The following TMEM120B variants were observed in gnomAD, a reference collection of about 807,000 sequenced individuals.
The protein encoded by TMEM120B is transmembrane protein 120B.
TMEM120B carries 31 observed loss-of-function variants against 55.5 expected under a neutral mutation model. The observed-to-expected ratio is 0.56, with a 90% confidence interval of 0.42 to 0.75. The LOEUF (loss-of-function observed/expected upper bound fraction) is 0.75. Among genes scored for constraint, TMEM120B ranks in the 30% least tolerant of loss-of-function variants. The pLI, the probability that TMEM120B is intolerant of heterozygous loss-of-function variation, is 0.00. For synonymous variants in TMEM120B, 203 were observed against 176.3 expected (o/e 1.15, Z -1.20); for missense variants, 399 against 425.5 (o/e 0.94, Z 0.55).
intron 5 of TMEM120B, among the ~76,000 whole-genome samples, chr12:121,759,330 C>G (rs1190070638): frequency 6.6e-6 from 1 of 152,064 alleles, no homozygotes; most frequent in Admixed American, 6.6e-5. Context: ...AAGAATTTGA[C>G]TGAGGGGCAT....
intron 1 of TMEM120B, among the ~76,000 whole-genome samples, chr12:121,720,092 C>T (rs1894767672): frequency 1.3e-5 from 2 of 152,116 alleles, no homozygotes; most frequent in Non-Finnish European, 2.9e-5. Context: ...CTGATGACAC[C>T]GAGGCACAGA....
chr12:121,774,619 C>G (rs11043195), intron 9 of TMEM120B, 39 bp from the exon 10 acceptor site: 193,915 of 1,602,616 alleles, frequency 0.12, 18,144 homozygotes, highest in African/African-American at 0.42. Context: ...GGGCAGCGGA[C>G]CCCCTCAGCG....
chr12:121,716,557 T>A (rs954958987), intron 1 of TMEM120B, among the ~76,000 whole-genome samples: 1 of 115,138 alleles, frequency 8.7e-6, no homozygotes, highest in Non-Finnish European at 1.6e-5. Flanking sequence ...TTCTCTTTTT[T>A]TTTCTTTCTT....
intron 1 of TMEM120B, among the ~76,000 whole-genome samples, chr12:121,722,625 C>G (rs957436877): frequency 3.3e-5 from 5 of 152,058 alleles, no homozygotes; most frequent in Non-Finnish European, 7.3e-5. Flanking sequence ...CAATGTGGCA[C>G]TTGCAATAAA....
intron 1 of TMEM120B, among the ~76,000 whole-genome samples, chr12:121,737,126 C>T (rs1247653202): frequency 6.6e-6 from 1 of 152,122 alleles, no homozygotes; most frequent in Non-Finnish European, 1.5e-5. Context: ...AGACTAGTCA[C>T]AAGCCTACCT....
intron 1 of TMEM120B, among the ~76,000 whole-genome samples, chr12:121,713,496 TG>T (rs550838726): frequency 7.0e-4 from 106 of 152,286 alleles, no homozygotes; most frequent in African/African-American, 2.4e-3. Context: ...TTCCTGTCTT[TG>T]GGGGCTCTGA....
At chr12:121,736,897 T>A (rs1895127779) in intron 1 of TMEM120B, among the ~76,000 whole-genome samples, 1 of 151,982 alleles carries the variant, frequency 6.6e-6, no homozygotes, top group Admixed American at 6.6e-5. Flanking sequence ...GACAGATTTG[T>A]CTTAGTTGGG....
chr12:121,757,783 TG>T (rs1426516394), intron 5 of TMEM120B, among the ~76,000 whole-genome samples: 1 of 152,202 alleles, frequency 6.6e-6, no homozygotes, highest in Non-Finnish European at 1.5e-5. Context: ...CCCAAAGTGT[TG>T]GGATTACAGG....
chr12:121,717,793 G>C (rs1457947932), intron 1 of TMEM120B, among the ~76,000 whole-genome samples: 1 of 152,190 alleles, frequency 6.6e-6, no homozygotes, highest in African/African-American at 2.4e-5. Context: ...GAGTAGCTGG[G>C]ATTACAGATG....
intron 5 of TMEM120B, among the ~76,000 whole-genome samples, chr12:121,760,567 A>G (rs1048513178): frequency 1.1e-4 from 17 of 152,208 alleles, no homozygotes; most frequent in African/African-American, 4.1e-4. Flanking sequence ...GTCCCCGGAA[A>G]GTCATGTACG....
intron 9 of TMEM120B, among the ~76,000 whole-genome samples, chr12:121,774,258 C>G (rs757871539): frequency 1.3e-5 from 2 of 152,224 alleles, no homozygotes; most frequent in Non-Finnish European, 2.9e-5. Flanking sequence ...ACCTGGCCAA[C>G]TCTGCTGTCT....
intron 1 of TMEM120B, among the ~76,000 whole-genome samples, chr12:121,716,175 G>A (rs964920161): frequency 2.0e-5 from 3 of 151,606 alleles, no homozygotes; most frequent in Non-Finnish European, 4.4e-5. Flanking sequence ...GGGTGTGGTG[G>A]TGCATGGTTG....
chr12:121,729,215 C>G (rs1894952054), intron 1 of TMEM120B, among the ~76,000 whole-genome samples: 2 of 152,226 alleles, frequency 1.3e-5, no homozygotes, highest in Admixed American at 1.3e-4. Context: ...TTCGAGGCCA[C>G]AGGGCCAAGG....
chr12:121,752,443 G>A (rs1033422023), intron 5 of TMEM120B, among the ~76,000 whole-genome samples: 2 of 152,174 alleles, frequency 1.3e-5, no homozygotes, highest in African/African-American at 4.8e-5. Context: ...GAAAGGCCTT[G>A]TACTGTACTA....
intron 5 of TMEM120B, among the ~76,000 whole-genome samples, chr12:121,754,900 G>T (rs1873436388): frequency 6.6e-6 from 1 of 152,168 alleles, no homozygotes; most frequent in Non-Finnish European, 1.5e-5. Context: ...AGCCTGCCCT[G>T]CTGTTTAACC....
intron 1 of TMEM120B, among the ~76,000 whole-genome samples, chr12:121,716,047 A>C (rs527935438): frequency 6.7e-6 from 1 of 150,080 alleles, no homozygotes; most frequent in Admixed American, 6.8e-5. Context: ...TAATCTCAGC[A>C]CTTTGGGAGG....
rs1460853872 is a variant in TMEM120B at position 121,775,777 on chromosome 12, C to A, written c.*55C>A. 6.3e-7 allele frequency: 1 copy of A among 1,589,682 alleles called. No homozygotes were observed. The highest frequency in any genetic ancestry group is 1.1e-5 in the South Asian group (1 of 90,404). ...CTTCAGACTGCAGGGGGCTCCCGGGCTCCTTCCCAGCAGCCCTCTCAGGCC... is the reference window on the plus strand; with the variant it reads ...CTTCAGACTGCAGGGGGCTCCCGGGATCCTTCCCAGCAGCCCTCTCAGGCC... On this transcript the variant is annotated 3_prime_UTR_variant, in exon 12 of 12. Coordinates refer to ENST00000449592, the MANE Select transcript of TMEM120B (RefSeq NM_001080825.2). The surrounding 1 kb of genome is among the most constrained non-coding windows in gnomAD (Gnocchi z 4.3).
intron 6 of TMEM120B, among the ~76,000 whole-genome samples, chr12:121,769,143 CAA>C (rs34286143): frequency 1.1e-3 from 97 of 88,932 alleles, no homozygotes; most frequent in African/African-American, 1.2e-3. Context: ...AAGACTGTCT[CAA>C]AAAAAAAAAA....
At chr12:121,768,545 G>A (rs1297447483) in intron 6 of TMEM120B, among the ~76,000 whole-genome samples, 1 of 152,170 alleles carries the variant, frequency 6.6e-6, no homozygotes. Context: ...CGTGTGTGTG[G>A]ACCCATTTCC....
Sources: allele counts gnomAD v4.1 joint callset (sites outside exome capture counted in the v4.1 genomes callset), GRCh38; gene constraint gnomAD v4.1.1; non-coding constraint Gnocchi (gnomAD v3.1); transcripts MANE v1.5; gene names NCBI Gene and HGNC (gene_info 2026-07-23, HGNC 2026-07-21).